Variants in APP observed in about 807,000 individuals in gnomAD.
APP encodes the protein amyloid beta precursor protein.
APP carries 31 observed loss-of-function variants against 101.4 expected under a neutral mutation model. The observed-to-expected ratio is 0.31, with a 90% CI of 0.23 to 0.41. The LOEUF (loss-of-function observed/expected upper bound fraction) is 0.41, where lower values mean the gene tolerates loss of function less well. APP is among the 10% of genes least tolerant of loss of function. The pLI is 1.00. For missense variants in APP, 839 were observed against 1,003.7 expected (o/e 0.84, Z 2.22); for synonymous variants, 366 against 364.4 (o/e 1.00, Z -0.05).
chr21:26,005,653 G>A (rs757558717), intron 6 of APP, among the ~76,000 whole-genome samples: 8 of 152,264 alleles, frequency 5.3e-5, no homozygotes, highest in East Asian at 3.9e-4. Context: ...TCAATAAGCC[G>A]CATCTAGTTT....
chr21:26,008,426 A>C (rs2043634126), intron 6 of APP, among the ~76,000 whole-genome samples: 1 of 152,150 alleles, frequency 6.6e-6, no homozygotes, highest in African/African-American at 2.4e-5. Context: ...AAAACTCGGG[A>C]TATCATGTCC....
At chr21:26,054,234 A>G (rs1269621393) in intron 3 of APP, among the ~76,000 whole-genome samples, 2 of 152,232 alleles carry the variant, frequency 1.3e-5, no homozygotes, top group Non-Finnish European at 2.9e-5. Flanking sequence ...ACAATATTCG[A>G]GATGAATCTG....
chr21:25,892,040 T>C (rs1310440162), intron 16 of APP, among the ~76,000 whole-genome samples, 172 bp from the exon 17 acceptor site: 1 of 119,698 alleles, frequency 8.4e-6, no homozygotes, highest in African/African-American at 2.8e-5. Context: ...TATTTGATGC[T>C]TACTTTAAAA....
At chr21:26,034,954 G>C (rs114079061) in intron 5 of APP, among the ~76,000 whole-genome samples, 1 of 151,984 alleles carries the variant, frequency 6.6e-6, no homozygotes, top group Non-Finnish European at 1.5e-5. Context: ...TAGGCTGCTA[G>C]GATTGAGAAT....
intron 4 of APP, 62 bp from the exon 5 acceptor site, chr21:26,051,255 T>G (rs1208570650): frequency 4.7e-6 from 7 of 1,480,210 alleles, no homozygotes; most frequent in Non-Finnish European, 6.5e-6. Context: ...GTAAGAAAAC[T>G]CCACATAAAA....
At chr21:26,053,100 A>G in intron 4 of APP, 136 bp downstream of exon 4, 2 of 754,642 alleles carry the variant, frequency 2.7e-6, no homozygotes, top group East Asian at 5.1e-5. Flanking sequence ...AATCTGGGTT[A>G]CGGATAGTAG....
At chr21:25,977,857 G>A (rs990635890) in intron 9 of APP, among the ~76,000 whole-genome samples, 3 of 152,174 alleles carry the variant, frequency 2.0e-5, no homozygotes, top group African/African-American at 7.2e-5. Flanking sequence ...AGGGGGAAAT[G>A]GAAGACCATC....
rs1381606624 is a variant in APP, at chr21:26,051,198, A to C, written c.469-5T>G. On this transcript the variant is annotated splice_polypyrimidine_tract_variant and splice_region_variant and intron_variant, in intron 4 of 17. Coordinates refer to ENST00000346798, the MANE Select transcript of APP (RefSeq NM_000484.4). ...GGTACTCTTCTCACTGCATGTCTAC[A>C]AAGTGTAAGGAGAAAACAGTGAGTG... 1 of 1,612,090 alleles carries C rather than the reference A, an allele frequency of 6.2e-7. No homozygotes were observed. Among genetic ancestry groups the C allele is most frequent in the Non-Finnish European group, 8.5e-7 (1 of 1,178,788 alleles).
chr21:25,956,423 C>A (rs2041323857), intron 11 of APP, among the ~76,000 whole-genome samples: 1 of 152,138 alleles, frequency 6.6e-6, no homozygotes, highest in Admixed American at 6.5e-5. Flanking sequence ...GGTTCCATTT[C>A]ATTTTTATTT....
chr21:26,088,354 T>C (rs889223825), intron 3 of APP, among the ~76,000 whole-genome samples: 15 of 152,244 alleles, frequency 9.9e-5, no homozygotes, highest in African/African-American at 3.6e-4. Flanking sequence ...TGTAAAATGA[T>C]AAGTTCACTT....
chr21:26,143,262 T>C (rs2063085681), intron 1 of APP, among the ~76,000 whole-genome samples: 1 of 152,176 alleles, frequency 6.6e-6, no homozygotes, highest in Non-Finnish European at 1.5e-5. Flanking sequence ...TCACTTAGCC[T>C]AGGAGTTTGA....
At chr21:26,158,066 G>C (rs1052626425) in intron 1 of APP, 1 of 152,244 alleles carries the variant, frequency 6.6e-6, no homozygotes, top group Non-Finnish European at 1.5e-5. Context: ...CAGGGCCACA[G>C]AAATCATTGC....
At chr21:26,143,798 G>T (rs1389241611) in intron 1 of APP, among the ~76,000 whole-genome samples, 2 of 152,090 alleles carry the variant, frequency 1.3e-5, no homozygotes, top group Non-Finnish European at 2.9e-5. Context: ...AAATCATGCA[G>T]TATTTGTTTT....
chr21:25,944,997 G>A (rs1600982291), intron 13 of APP, among the ~76,000 whole-genome samples: 1 of 152,146 alleles, frequency 6.6e-6, no homozygotes, highest in African/African-American at 2.4e-5. Context: ...AACTGCATTG[G>A]ATCATCAAAA....
chr21:25,915,571 T>A (rs1464724545), intron 13 of APP, among the ~76,000 whole-genome samples: 1 of 152,266 alleles, frequency 6.6e-6, no homozygotes, highest in East Asian at 1.9e-4. Flanking sequence ...TCTTTAGCAG[T>A]CTCTTCCACC....
At chr21:26,052,973 G>T (rs1601332939) in intron 4 of APP, among the ~76,000 whole-genome samples, 1 of 152,166 alleles carries the variant, frequency 6.6e-6, no homozygotes, top group East Asian at 1.9e-4. Context: ...CCCTATTTTT[G>T]ACTTTTTAAA....
At chr21:25,973,280 C>A (rs1357449037) in intron 11 of APP, among the ~76,000 whole-genome samples, 1 of 152,154 alleles carries the variant, frequency 6.6e-6, no homozygotes, top group Non-Finnish European at 1.5e-5. Context: ...TGTACATGGT[C>A]TTCCCAATCC....
At chr21:26,043,398 A>G (rs1005755206) in intron 5 of APP, among the ~76,000 whole-genome samples, 1 of 150,288 alleles carries the variant, frequency 6.7e-6, no homozygotes, top group Non-Finnish European at 1.5e-5. Context: ...ATGCCTGGCT[A>G]TTTTGTATTT....
chr21:25,918,662 G>A (rs1181788507), intron 13 of APP, among the ~76,000 whole-genome samples: 2 of 151,738 alleles, frequency 1.3e-5, no homozygotes, highest in African/African-American at 4.8e-5. Flanking sequence ...CGAATATTGC[G>A]CTTTTCAGAC....
Sources: allele counts gnomAD v4.1 joint callset (sites outside exome capture counted in the v4.1 genomes callset), GRCh38; gene constraint gnomAD v4.1.1; transcripts MANE v1.5; gene names NCBI Gene and HGNC (gene_info 2026-07-23, HGNC 2026-07-21).